The following MPPED2 variants were observed in gnomAD, a reference collection of about 807,000 sequenced individuals.
MPPED2 encodes the protein metallophosphoesterase domain containing 2.
MPPED2 carries 5 observed loss-of-function variants against 33.0 expected under a neutral mutation model. The observed-to-expected ratio is 0.15, with a 90% CI of 0.08 to 0.32. The LOEUF is 0.32. MPPED2 is among the 10% of genes least tolerant of loss of function. MPPED2 has a pLI of 1.00. For synonymous variants in MPPED2, 136 were observed against 141.9 expected, an observed-to-expected ratio of 0.96 and a Z score of 0.29; for missense variants, 275 against 372.1, an observed-to-expected ratio of 0.74 and a Z score of 2.15.
At chr11:30,387,623 A>T (rs1284719372) in exon 7 of MPPED2, 2 of 152,218 alleles carry the variant, frequency 1.3e-5, no homozygotes, top group Non-Finnish European at 2.9e-5. Flanking sequence ...CTCAACGTTA[A>T]TGAATTTCAT....
intron 6 of MPPED2, among the ~76,000 whole-genome samples, chr11:30,396,361 C>T (rs588350): frequency 6.6e-6 from 1 of 151,930 alleles, no homozygotes; most frequent in African/African-American, 2.4e-5. Context: ...CCTGTATATA[C>T]CTGCAGTTTT....
At chr11:30,388,693 G>A (rs879279752) in exon 7 of MPPED2, 28 of 561,614 alleles carry the variant, frequency 5.0e-5, no homozygotes, top group South Asian at 1.1e-4. Context: ...GCCCTCCTCC[G>A]CAGTCTTTCC....
chr11:30,467,503 T>C (rs928069198), intron 4 of MPPED2, among the ~76,000 whole-genome samples: 1 of 152,024 alleles, frequency 6.6e-6, no homozygotes, highest in Admixed American at 6.6e-5. Context: ...CAGTACCTGA[T>C]GGATACTAAC....
At chr11:30,482,598 A>T (rs1951538688) in intron 4 of MPPED2, among the ~76,000 whole-genome samples, 1 of 152,082 alleles carries the variant, frequency 6.6e-6, no homozygotes, top group African/African-American at 2.4e-5. Flanking sequence ...ACTTGTAGAA[A>T]CTCAGACAAA....
At chr11:30,509,924 C>T (rs1332042723) in intron 3 of MPPED2, among the ~76,000 whole-genome samples, 1 of 152,170 alleles carries the variant, frequency 6.6e-6, no homozygotes, top group Non-Finnish European at 1.5e-5. Context: ...TCCACCATAT[C>T]ACATAATCAC....
At chr11:30,483,621 G>T (rs1179831861) in intron 4 of MPPED2, among the ~76,000 whole-genome samples, 1 of 152,154 alleles carries the variant, frequency 6.6e-6, no homozygotes, top group African/African-American at 2.4e-5. Context: ...AAGCAAGAAA[G>T]GTTTTTCTAC....
chr11:30,554,748 G>T (rs796794139), intron 2 of MPPED2, among the ~76,000 whole-genome samples: 5 of 152,212 alleles, frequency 3.3e-5, no homozygotes, highest in African/African-American at 9.6e-5. Context: ...GCCTACCTTG[G>T]CCTCCCAAAG....
intron 2 of MPPED2, among the ~76,000 whole-genome samples, 183 bp downstream of exon 2, chr11:30,580,063 T>C (rs557706508): frequency 2.8e-4 from 42 of 152,332 alleles, no homozygotes; most frequent in African/African-American, 9.6e-4. Flanking sequence ...CTCTGAAAAT[T>C]TGAAATGTTA....
chr11:30,518,790 C>G (rs1005646977), intron 3 of MPPED2, among the ~76,000 whole-genome samples: 1 of 152,160 alleles, frequency 6.6e-6, no homozygotes, highest in African/African-American at 2.4e-5. Flanking sequence ...GATAGAAGTC[C>G]TTCCTGCCTT....
intron 3 of MPPED2, among the ~76,000 whole-genome samples, chr11:30,511,796 T>A (rs969817960): frequency 3.3e-5 from 5 of 152,252 alleles, no homozygotes; most frequent in Admixed American, 2.0e-4. Context: ...GAAAATATTT[T>A]CTAAAATATT....
At chr11:30,569,174 CA>C (rs1219114317) in intron 2 of MPPED2, among the ~76,000 whole-genome samples, 2 of 152,000 alleles carry the variant, frequency 1.3e-5, no homozygotes, top group African/African-American at 2.4e-5. Context: ...AGATGCAAAA[CA>C]GGGGAGCCAT....
intron 1 of MPPED2, among the ~76,000 whole-genome samples, chr11:30,583,151 T>C (rs1297162884): frequency 2.2e-5 from 2 of 91,590 alleles, no homozygotes; most frequent in Admixed American, 1.2e-4. Context: ...TTTTTTTTTT[T>C]TTTTTTTTTT....
intron 4 of MPPED2, among the ~76,000 whole-genome samples, chr11:30,488,035 G>T (rs534856926): frequency 1.3e-5 from 2 of 152,094 alleles, no homozygotes; most frequent in African/African-American, 4.8e-5. Context: ...AGCAAACTCC[G>T]CAAAGGAAGC....
chr11:30,554,878 A>T (rs547547930), intron 2 of MPPED2, among the ~76,000 whole-genome samples: 1 of 152,174 alleles, frequency 6.6e-6, no homozygotes, highest in South Asian at 2.1e-4. Context: ...CTCTGACATC[A>T]GTTCTCTAAG....
chr11:30,565,030 T>A (rs965739995), intron 2 of MPPED2, among the ~76,000 whole-genome samples: 15 of 152,014 alleles, frequency 9.9e-5, no homozygotes, highest in African/African-American at 3.6e-4. Flanking sequence ...ACCAATAAAT[T>A]TCCAAAATGT....
intron 4 of MPPED2, among the ~76,000 whole-genome samples, chr11:30,442,391 A>G (rs937269737): frequency 6.6e-6 from 1 of 152,244 alleles, no homozygotes; most frequent in Non-Finnish European, 1.5e-5. Flanking sequence ...CTGATTGCCC[A>G]CTATGTGTGA....
At chr11:30,456,551 CGTGT>C (rs140981878) in intron 4 of MPPED2, among the ~76,000 whole-genome samples, 1 of 150,948 alleles carries the variant, frequency 6.6e-6, no homozygotes, top group Non-Finnish European at 1.5e-5. Flanking sequence ...TGTGTGTGTG[CGTGT>C]GTGTGTGTGT....
chr11:30,504,958 A>G (rs1952752747), intron 3 of MPPED2: 1 of 453,728 alleles, frequency 2.2e-6, no homozygotes, highest in Non-Finnish European at 4.3e-6. Context: ...GCACCAGTGT[A>G]AGACACCACA....
intron 4 of MPPED2, 154 bp downstream of exon 4, chr11:30,495,142 T>G (rs1187129974): frequency 1.6e-6 from 1 of 627,358 alleles, no homozygotes; most frequent in African/African-American, 1.8e-5. Flanking sequence ...AAGTGTTGCA[T>G]TTTGCAGCAG....
Sources: allele counts gnomAD v4.1 joint callset (sites outside exome capture counted in the v4.1 genomes callset), GRCh38; gene constraint gnomAD v4.1.1; transcripts MANE v1.5; gene names NCBI Gene and HGNC (gene_info 2026-07-23, HGNC 2026-07-21).